The following NAALADL2 variants were observed in gnomAD, a reference collection of about 807,000 sequenced individuals.
NAALADL2 encodes N-acetylated alpha-linked acidic dipeptidase like 2, also known as inactive N-acetylated-alpha-linked acidic dipeptidase-like protein 2.
A neutral mutation model predicts 87.2 loss-of-function variants in NAALADL2; 76 were observed. That is an observed-to-expected ratio of 0.87 (90% CI 0.72 to 1.05). The LOEUF is 1.05. Among genes scored for constraint, NAALADL2 ranks in the 50% least tolerant of loss-of-function variants. The pLI is 0.00. For missense variants in NAALADL2, 1,089 were observed against 945.8 expected, an observed-to-expected ratio of 1.15 and a Z score of -1.99; for synonymous variants, 354 against 331.0, an observed-to-expected ratio of 1.07 and a Z score of -0.75.
At chr3:174,563,987 G>A (rs1448252966) in intron 2 of NAALADL2, among the ~76,000 whole-genome samples, 1 of 152,154 alleles carries the variant, frequency 6.6e-6, no homozygotes, top group Non-Finnish European at 1.5e-5. Context: ...ACACTAGGGT[G>A]ATCTGTCTAA....
intron 1 of NAALADL2, among the ~76,000 whole-genome samples, chr3:175,042,895 G>A (rs1343782186): frequency 6.6e-6 from 1 of 152,070 alleles, no homozygotes; most frequent in Non-Finnish European, 1.5e-5. Context: ...TAGGGAGTTA[G>A]TGAGTGCTCA....
chr3:174,736,942 G>A (rs1733276693), intron 2 of NAALADL2, among the ~76,000 whole-genome samples: 1 of 152,176 alleles, frequency 6.6e-6, no homozygotes, highest in South Asian at 2.1e-4. Context: ...GTGATTGTGT[G>A]TCAGTGCTGC....
intron 2 of NAALADL2, among the ~76,000 whole-genome samples, chr3:175,187,079 C>A: frequency 6.6e-6 from 1 of 152,064 alleles, no homozygotes; most frequent in Non-Finnish European, 1.5e-5. Flanking sequence ...GTAGACACTG[C>A]AATTGTCAAG....
chr3:175,667,912 A>G (rs1733429676), intron 11 of NAALADL2, among the ~76,000 whole-genome samples: 1 of 152,094 alleles, frequency 6.6e-6, no homozygotes, highest in South Asian at 2.1e-4. Flanking sequence ...GATGTTTCGT[A>G]CTAAAACAGT....
chr3:175,402,026 A>G (rs939227457), intron 5 of NAALADL2, among the ~76,000 whole-genome samples: 1 of 152,032 alleles, frequency 6.6e-6, no homozygotes, highest in Non-Finnish European at 1.5e-5. Context: ...AAATCTATCT[A>G]ACTTTCATCT....
At chr3:174,887,487 T>C (rs1246460403) in intron 1 of NAALADL2, among the ~76,000 whole-genome samples, 1 of 152,172 alleles carries the variant, frequency 6.6e-6, no homozygotes, top group African/African-American at 2.4e-5. Flanking sequence ...AATTATGACA[T>C]ACTCATCTAT....
At chr3:174,472,976 A>G (rs1198120376) in intron 1 of NAALADL2, among the ~76,000 whole-genome samples, 1 of 152,176 alleles carries the variant, frequency 6.6e-6, no homozygotes, top group Admixed American at 6.6e-5. Context: ...TTTTCTATAT[A>G]TGACTTCGTA....
intron 2 of NAALADL2, among the ~76,000 whole-genome samples, chr3:175,201,194 C>A (rs1253981643): frequency 1.3e-5 from 2 of 152,146 alleles, no homozygotes; most frequent in Non-Finnish European, 2.9e-5. Context: ...TAGTGCCTAA[C>A]CCTTTCCCCA....
intron 3 of NAALADL2, among the ~76,000 whole-genome samples, chr3:174,797,975 T>G (rs2109235354): frequency 6.6e-6 from 1 of 152,150 alleles, no homozygotes. Context: ...TATCTAAGAG[T>G]TTTATAGTTT....
intron 13 of NAALADL2, among the ~76,000 whole-genome samples, chr3:175,798,833 T>A (rs984540646): frequency 2.6e-5 from 4 of 152,092 alleles, no homozygotes; most frequent in African/African-American, 9.7e-5. Flanking sequence ...AATCTGTAAC[T>A]TTTATGAGCA....
intron 1 of NAALADL2, among the ~76,000 whole-genome samples, chr3:174,489,062 A>G (rs532182655): frequency 2.0e-5 from 3 of 152,132 alleles, no homozygotes; most frequent in African/African-American, 2.4e-5. Context: ...TACTCTGGAT[A>G]TTGGTCAGCC....
chr3:174,699,314 G>T (rs138697116), intron 2 of NAALADL2, among the ~76,000 whole-genome samples: 3 of 152,020 alleles, frequency 2.0e-5, no homozygotes, highest in Non-Finnish European at 4.4e-5. Context: ...TGGCCAATAT[G>T]GTGAAACCTC....
At chr3:174,948,625 A>C (rs56947126) in intron 1 of NAALADL2, among the ~76,000 whole-genome samples, 6,347 of 152,162 alleles carry the variant, frequency 0.042, 452 homozygotes, top group African/African-American at 0.14. Context: ...CATGGCTTCT[A>C]TGGGACAGGA....
At chr3:175,604,771 T>G (rs963491276) in intron 10 of NAALADL2, among the ~76,000 whole-genome samples, 11 of 152,116 alleles carry the variant, frequency 7.2e-5, no homozygotes, top group African/African-American at 2.4e-4. Flanking sequence ...CAGTGAAAAT[T>G]AAAAGATTTT....
At chr3:174,815,830 GTTT>G (rs10589968) in intron 3 of NAALADL2, among the ~76,000 whole-genome samples, 2,434 of 115,024 alleles carry the variant, frequency 0.021, 30 homozygotes, top group Middle Eastern at 0.036. Flanking sequence ...TTTGACTTTA[GTTT>G]TTTTTTTTTT....
chr3:175,390,580 G>T (rs779503969), intron 5 of NAALADL2, among the ~76,000 whole-genome samples: 8 of 152,150 alleles, frequency 5.3e-5, no homozygotes, highest in South Asian at 2.1e-4. Context: ...CAAGTTGTAA[G>T]AAGTGAAGGA....
In NAALADL2 at chr3:175,371,261, A is replaced by ATAT. The variant is rs940293538; in HGVS notation, c.1090+46953_1090+46955dup. On this transcript the variant is annotated intron_variant, in intron 5 of 13. Coordinates refer to ENST00000454872, the MANE Select transcript of NAALADL2 (RefSeq NM_207015.3). ...AGACTATCAACTAATATTATGGATG[A>ATAT]TATTATTATTATTATTATTTTTTGA... Among the ~76,000 whole-genome samples, 84 of 151,724 alleles carry ATAT rather than the reference A, an allele frequency of 5.5e-4. 2 individuals are homozygous for ATAT. Among genetic ancestry groups the ATAT allele is most frequent in the African/African-American group, 1.5e-3 (61 of 41,398 alleles).
At chr3:174,806,593 C>G (rs9853262) in intron 3 of NAALADL2, among the ~76,000 whole-genome samples, 2,175 of 152,266 alleles carry the variant, frequency 0.014, 66 homozygotes, top group African/African-American at 0.051. Flanking sequence ...AATACAGTTA[C>G]CTTTGTTTTA....
intron 3 of NAALADL2, among the ~76,000 whole-genome samples, chr3:174,805,392 T>C (rs1719347200): frequency 6.6e-6 from 1 of 150,924 alleles, no homozygotes; most frequent in Non-Finnish European, 1.5e-5. Context: ...TTTTTTGTTC[T>C]TTTTTTTGTT....
Sources: gnomAD v4.1 joint callset for allele counts (sites outside exome capture counted in the v4.1 genomes callset) on GRCh38, gnomAD v4.1.1 for gene constraint, MANE v1.5 for transcripts, NCBI Gene and HGNC (gene_info 2026-07-23, HGNC 2026-07-21) for gene names.